Variants in NOX3 observed in about 807,000 individuals in gnomAD.
NOX3 encodes NADPH oxidase catalytic subunit-like 3.
A neutral mutation model predicts 76.7 loss-of-function variants in NOX3; 74 were observed. The observed-to-expected ratio is 0.96, with a 90% confidence interval of 0.80 to 1.17. The LOEUF is 1.17. Ranked by LOEUF, NOX3 falls within the 50% of genes most tolerant of loss-of-function variation. NOX3 has a pLI of 0.00. For missense variants in NOX3, 695 were observed against 703.3 expected (o/e 0.99, Z 0.13); for synonymous variants, 263 against 261.1 (o/e 1.01, Z -0.07).
intron 10 of NOX3, among the ~76,000 whole-genome samples, chr6:155,418,220 C>G (rs899334965): frequency 1.3e-5 from 2 of 152,092 alleles, no homozygotes; most frequent in Non-Finnish European, 2.9e-5. Flanking sequence ...GCAAACCGTC[C>G]TAATTTTTTT....
At chr6:155,442,206 G>A (rs926725191) in intron 5 of NOX3, among the ~76,000 whole-genome samples, 6 of 152,176 alleles carry the variant, frequency 3.9e-5, no homozygotes, top group Non-Finnish European at 7.3e-5. Context: ...GGAGCTTGCA[G>A]TGAGCCGTGA....
chr6:155,406,999 C>T lies in NOX3; in HGVS notation c.1580+131G>A, dbSNP rs1776472880. The T allele has an allele frequency of 3.1e-6, 3 of 962,898 alleles. No individual in the cohort carries two copies. The Admixed American group carries it at 7.0e-5, about 22-fold the overall frequency. 59.6% of individuals were successfully genotyped at this position (962,898 alleles called of 1,614,324 possible). A position where few individuals can be genotyped will look rare whatever the true frequency, so the allele number is the denominator to read the frequency against. ...GTGGCCCCTGAAATATACCATTGAT[C>T]ACCTTTTCTAAGGTAGATGTTTTGT... On this transcript the variant is annotated intron_variant, in intron 12 of 13. Coordinates refer to ENST00000159060, the MANE Select transcript of NOX3 (RefSeq NM_015718.3).
At chr6:155,420,543 T>A (rs1358096435) in intron 10 of NOX3, among the ~76,000 whole-genome samples, 1 of 152,184 alleles carries the variant, frequency 6.6e-6, no homozygotes, top group Non-Finnish European at 1.5e-5. Context: ...GCCAGAAGGA[T>A]CTAGATTCAA....
intron 10 of NOX3, among the ~76,000 whole-genome samples, chr6:155,414,898 G>A (rs1299833368): frequency 6.6e-6 from 1 of 152,056 alleles, no homozygotes; most frequent in Non-Finnish European, 1.5e-5. Context: ...AAAGCGCTGG[G>A]ATTACCAGCA....
chr6:155,430,166 G>A (rs1776813702), intron 8 of NOX3, among the ~76,000 whole-genome samples: 1 of 152,148 alleles, frequency 6.6e-6, no homozygotes, highest in Non-Finnish European at 1.5e-5. Context: ...AAAAGCTGGG[G>A]GAGAGTATTT....
rs1223134495 is a variant in NOX3, at chr6:155,445,644, A to G, written c.341-2226T>C. Reference sequence around the variant, plus strand: ...TGATAGTATGACCATAGCATTTCTCAGATATTACTGTTGCAGTATCTATTT... The same window carrying G: ...TGATAGTATGACCATAGCATTTCTCGGATATTACTGTTGCAGTATCTATTT... On this transcript the variant is annotated intron_variant, in intron 4 of 13. Transcript: ENST00000159060. 2.6e-5 allele frequency among the ~76,000 whole-genome samples: 4 copies of G among 152,036 alleles called. No individual in the cohort carries two copies. In the South Asian group the frequency reaches 6.2e-4, roughly 24 times the overall value.
At chr6:155,400,855 T>C (rs1309269168) in intron 12 of NOX3, among the ~76,000 whole-genome samples, 9 of 152,140 alleles carry the variant, frequency 5.9e-5, no homozygotes, top group Non-Finnish European at 7.4e-5. Flanking sequence ...AGCTCCCTCA[T>C]TGGTCTCATG....
intron 4 of NOX3, among the ~76,000 whole-genome samples, chr6:155,446,002 A>G (rs1252446975): frequency 7.0e-6 from 1 of 143,274 alleles, no homozygotes; most frequent in Non-Finnish European, 1.5e-5. Context: ...TATATAATAT[A>G]TATATATTGC....
At chr6:155,445,056 G>T (rs981257483) in intron 4 of NOX3, among the ~76,000 whole-genome samples, 1 of 152,148 alleles carries the variant, frequency 6.6e-6, no homozygotes, top group Admixed American at 6.5e-5. Context: ...GCATCGTCTG[G>T]CCTGAGGATT....
intron 4 of NOX3, among the ~76,000 whole-genome samples, chr6:155,448,957 G>A (rs1055471401): frequency 6.6e-6 from 1 of 152,170 alleles, no homozygotes; most frequent in African/African-American, 2.4e-5. Flanking sequence ...TAGAAGGATC[G>A]TTGACTCTGG....
intron 4 of NOX3, among the ~76,000 whole-genome samples, chr6:155,448,207 G>A (rs1777089601): frequency 1.3e-5 from 2 of 152,106 alleles, no homozygotes; most frequent in South Asian, 4.1e-4. Context: ...CCAGCTGTGT[G>A]GCTCCTGTGT....
rs142349696 is a variant in NOX3, at chr6:155,410,296, A to AGTGT, written c.1455+914_1455+917dup. ...AATTACAGTGATGTTCTATAAGGCC[A>AGTGT]GTGTGTGTGTGTGTGTGTGTGTGCG... On this transcript the variant is annotated intron_variant, in intron 11 of 13. Transcript: ENST00000159060. 0.013 allele frequency among the ~76,000 whole-genome samples: 1,874 copies of AGTGT among 149,440 alleles called. 67 individuals are homozygous for AGTGT. In the East Asian group the frequency reaches 0.14, roughly 11 times the overall value.
chr6:155,410,093 A>T (rs1776521449), intron 11 of NOX3, among the ~76,000 whole-genome samples: 1 of 152,216 alleles, frequency 6.6e-6, no homozygotes, highest in Non-Finnish European at 1.5e-5. Flanking sequence ...TTTGTTTGGA[A>T]AACATAATTA....
chr6:155,425,401 A>C (rs990433625), intron 9 of NOX3, among the ~76,000 whole-genome samples: 3 of 152,170 alleles, frequency 2.0e-5, no homozygotes, highest in Admixed American at 1.3e-4. Flanking sequence ...TGAGGCTCAG[A>C]AAATGATTTG....
At chr6:155,446,876 C>A (rs531589868) in intron 4 of NOX3, among the ~76,000 whole-genome samples, 365 of 152,240 alleles carry the variant, frequency 2.4e-3, no homozygotes, top group African/African-American at 8.5e-3. Context: ...GCACTCCAGA[C>A]AGGGAGTGAA....
chr6:155,448,662 T>A (rs112042557), intron 4 of NOX3, among the ~76,000 whole-genome samples: 8 of 121,882 alleles, frequency 6.6e-5, no homozygotes, highest in African/African-American at 1.2e-4. Context: ...AAAAAAAAAA[T>A]CATAAAGGCT....
intron 4 of NOX3, among the ~76,000 whole-genome samples, chr6:155,447,504 C>G (rs1777079355): frequency 6.6e-6 from 1 of 152,130 alleles, no homozygotes. Flanking sequence ...GCCAGGTCTC[C>G]CATAACAGAG....
At chr6:155,451,720 GC>G (rs1190573758) in intron 4 of NOX3, among the ~76,000 whole-genome samples, 2 of 151,798 alleles carry the variant, frequency 1.3e-5, no homozygotes, top group Non-Finnish European at 1.5e-5. Flanking sequence ...CGCCTCCTGG[GC>G]TCAAGCTATC....
chr6:155,444,864 A>G (rs185995297), intron 4 of NOX3, among the ~76,000 whole-genome samples: 2 of 152,320 alleles, frequency 1.3e-5, no homozygotes, highest in East Asian at 3.9e-4. Flanking sequence ...ATGTATATAT[A>G]CCCCTGCACA....
Sources: gnomAD v4.1 joint callset for allele counts (sites outside exome capture counted in the v4.1 genomes callset) on GRCh38, gnomAD v4.1.1 for gene constraint, MANE v1.5 for transcripts, NCBI Gene and HGNC (gene_info 2026-07-23, HGNC 2026-07-21) for gene names.